CNTNAP5: variants seen among roughly 807,000 people sequenced by gnomAD.
CNTNAP5 encodes the protein contactin associated protein family member 5.
In CNTNAP5, 72 loss-of-function variants were observed where a neutral mutation model predicts 150.2. The ratio of observed to expected loss-of-function variants is 0.48; its 90% CI spans 0.40 to 0.58. The LOEUF (loss-of-function observed/expected upper bound fraction) is 0.58. Among genes scored for constraint, CNTNAP5 ranks in the 20% least tolerant of loss-of-function variants. CNTNAP5 has a pLI of 0.00. For synonymous variants in CNTNAP5, 672 were observed against 619.8 expected (o/e 1.08, Z -1.25); for missense variants, 1,636 against 1,626.2 (o/e 1.01, Z -0.10).
intron 13 of CNTNAP5, among the ~76,000 whole-genome samples, chr2:124,666,790 G>C (rs560079167): frequency 1.9e-4 from 29 of 152,290 alleles, no homozygotes; most frequent in African/African-American, 7.0e-4. Flanking sequence ...ATGGCTGCAA[G>C]TATTCTTTTG....
chr2:124,042,828 A>G (rs1201982050), intron 1 of CNTNAP5, among the ~76,000 whole-genome samples: 2 of 147,262 alleles, frequency 1.4e-5, no homozygotes, highest in Non-Finnish European at 3.0e-5. Context: ...CTATCTATCT[A>G]TCATCTATGT....
intron 3 of CNTNAP5, among the ~76,000 whole-genome samples, chr2:124,404,963 T>A (rs1375118086): frequency 6.7e-6 from 1 of 149,178 alleles, no homozygotes; most frequent in Non-Finnish European, 1.5e-5. Flanking sequence ...GTAACAAATA[T>A]AATAACATTT....
At chr2:124,698,369 A>G (rs1679448736) in intron 13 of CNTNAP5, among the ~76,000 whole-genome samples, 1 of 58,358 alleles carries the variant, frequency 1.7e-5, no homozygotes, top group Non-Finnish European at 3.5e-5. Flanking sequence ...CAAGTAGACG[A>G]GAGGATACAC....
chr2:124,798,909 A>G (rs1681906550), intron 19 of CNTNAP5, among the ~76,000 whole-genome samples: 1 of 152,052 alleles, frequency 6.6e-6, no homozygotes, highest in Non-Finnish European at 1.5e-5. Context: ...GGGGCATTTT[A>G]TTTGACAAAA....
intron 3 of CNTNAP5, among the ~76,000 whole-genome samples, chr2:124,362,234 G>C (rs923769217): frequency 2.6e-5 from 4 of 152,202 alleles, no homozygotes; most frequent in African/African-American, 7.2e-5. Context: ...AGATGAACCC[G>C]GTACGTCACA....
intron 10 of CNTNAP5, among the ~76,000 whole-genome samples, chr2:124,555,796 T>C (rs906201734): frequency 1.3e-5 from 2 of 152,222 alleles, no homozygotes; most frequent in African/African-American, 2.4e-5. Context: ...TCTGGGTTAA[T>C]CTATTTTAAA....
At chr2:124,832,962 G>C (rs1394320236) in intron 19 of CNTNAP5, among the ~76,000 whole-genome samples, 1 of 149,940 alleles carries the variant, frequency 6.7e-6, no homozygotes, top group Admixed American at 6.7e-5. Context: ...CCCCAGGCTG[G>C]AGAGTGGCAC....
chr2:124,799,494 G>C (rs1219288622), intron 19 of CNTNAP5, among the ~76,000 whole-genome samples: 3 of 152,182 alleles, frequency 2.0e-5, no homozygotes. Flanking sequence ...TCATCTGCTG[G>C]TATCATAAGA....
In CNTNAP5 at chr2:124,524,347, G is replaced by T; in HGVS notation, c.1372G>T (p.Ala458Ser). The change falls in exon 9 of 24, where the codon GCC (alanine) becomes TCC (serine). Residue 458 changes from alanine (A) to serine (S), a missense_variant. By Grantham distance (99) the Ala-to-Ser change is moderately conservative (BLOSUM62 1). Transcript: ENST00000682447. ...CCTGTGGCACTCGGTTAGCATCAAC[G>T]CCAGGAGGAACCGCATCACGCTCAC... ...DGLWHSVSINARRNRITLTLD... is the reference protein window; with the variant it reads ...DGLWHSVSINSRRNRITLTLD... The T allele has an allele frequency of 1.9e-6, 3 of 1,613,804 alleles. No individual in the cohort carries two copies. The highest frequency in any genetic ancestry group is 2.5e-6 in the Non-Finnish European group (3 of 1,179,788).
chr2:124,263,652 AT>A (rs1467916306), intron 3 of CNTNAP5, among the ~76,000 whole-genome samples: 1 of 152,118 alleles, frequency 6.6e-6, no homozygotes, highest in African/African-American at 2.4e-5. Context: ...CTTTAGTTTA[AT>A]TAGATCCCAT....
At chr2:124,320,621 A>G (rs1471523204) in intron 3 of CNTNAP5, among the ~76,000 whole-genome samples, 1 of 152,130 alleles carries the variant, frequency 6.6e-6, no homozygotes, top group Non-Finnish European at 1.5e-5. Flanking sequence ...CTTTCTGTGC[A>G]CCAAAAGAAG....
chr2:124,341,876 C>A (rs1264589934), intron 3 of CNTNAP5, among the ~76,000 whole-genome samples: 1 of 152,058 alleles, frequency 6.6e-6, no homozygotes, highest in East Asian at 1.9e-4. Flanking sequence ...ATCAAGCTGA[C>A]CAGTTTTGTC....
chr2:124,193,435 C>G (rs1390608668), intron 1 of CNTNAP5, among the ~76,000 whole-genome samples: 4 of 152,142 alleles, frequency 2.6e-5, no homozygotes, highest in African/African-American at 9.7e-5. Flanking sequence ...TGATATATCC[C>G]AAGCATCCAG....
chr2:124,505,710 T>G (rs1317089016), intron 8 of CNTNAP5, among the ~76,000 whole-genome samples: 3 of 152,158 alleles, frequency 2.0e-5, no homozygotes, highest in African/African-American at 7.2e-5. Context: ...TCTCATTCTC[T>G]GTTATGTTAC....
At chr2:124,887,090 A>G (rs906783642) in intron 21 of CNTNAP5, among the ~76,000 whole-genome samples, 1 of 152,072 alleles carries the variant, frequency 6.6e-6, no homozygotes, top group Non-Finnish European at 1.5e-5. Context: ...ATGGTTGTTA[A>G]GTGGACCCTG....
intron 1 of CNTNAP5, among the ~76,000 whole-genome samples, chr2:124,033,406 A>G (rs1681117392): frequency 6.6e-6 from 1 of 152,196 alleles, no homozygotes; most frequent in African/African-American, 2.4e-5. Context: ...GCCACTATTT[A>G]CTGAATAGGT....
chr2:124,498,174 T>C (rs1446610601), intron 7 of CNTNAP5, among the ~76,000 whole-genome samples: 1 of 152,212 alleles, frequency 6.6e-6, no homozygotes. Context: ...TGAATACGTC[T>C]TCAAGGAAGG....
chr2:124,555,046 C>T (rs575894551), intron 10 of CNTNAP5, among the ~76,000 whole-genome samples: 1 of 152,116 alleles, frequency 6.6e-6, no homozygotes, highest in Non-Finnish European at 1.5e-5. Flanking sequence ...CTAAGACTGT[C>T]AACTGATACT....
chr2:124,117,744 A>G (rs1183042396), intron 1 of CNTNAP5, among the ~76,000 whole-genome samples: 1 of 152,150 alleles, frequency 6.6e-6, no homozygotes, highest in Non-Finnish European at 1.5e-5. Context: ...AAATCACTTA[A>G]TTAAATACCA....
Sources: allele counts gnomAD v4.1 joint callset (sites outside exome capture counted in the v4.1 genomes callset), GRCh38; gene constraint gnomAD v4.1.1; transcripts MANE v1.5; gene names NCBI Gene and HGNC (gene_info 2026-07-23, HGNC 2026-07-21).